MATCAP2: variants seen among roughly 807,000 people sequenced by gnomAD.
MATCAP2 encodes putative tyrosine carboxypeptidase MATCAP2.
chr7:36,375,568 G>T, the MATCAP2 span, among the ~76,000 whole-genome samples: 1 of 152,254 alleles, frequency 6.6e-6, no homozygotes, highest in East Asian at 1.9e-4. Flanking sequence ...TTGTGTCTCT[G>T]CCAGGCTTTG....
the MATCAP2 span, among the ~76,000 whole-genome samples, chr7:36,370,663 T>C: frequency 2.0e-5 from 3 of 152,154 alleles, no homozygotes; most frequent in African/African-American, 7.2e-5. Flanking sequence ...GTATTTTTAG[T>C]AGAGACAGGG....
At chr7:36,336,924 G>A in the MATCAP2 span, among the ~76,000 whole-genome samples, 1 of 151,302 alleles carries the variant, frequency 6.6e-6, no homozygotes, top group African/African-American at 2.4e-5. Context: ...GTGAAACCCT[G>A]TCTTTACTAA....
At chr7:36,348,636 T>C in the MATCAP2 span, among the ~76,000 whole-genome samples, 3 of 152,244 alleles carry the variant, frequency 2.0e-5, no homozygotes, top group Non-Finnish European at 4.4e-5. Flanking sequence ...TATGCAGTTT[T>C]ATATTTTAGA....
the MATCAP2 span, among the ~76,000 whole-genome samples, chr7:36,361,188 T>A: frequency 6.6e-6 from 1 of 152,202 alleles, no homozygotes; most frequent in Admixed American, 6.5e-5. Flanking sequence ...ATTCCTGACA[T>A]CCATTCCCAG....
chr7:36,390,175 G>A, the MATCAP2 span: 1 of 1,513,202 alleles, frequency 6.6e-7, no homozygotes, highest in Non-Finnish European at 9.0e-7. Flanking sequence ...CAGTGTGTGC[G>A]GGCCGGGGTC....
At chr7:36,367,265 C>A in the MATCAP2 span, 2 of 1,057,746 alleles carry the variant, frequency 1.9e-6, no homozygotes, top group Non-Finnish European at 2.3e-6. Flanking sequence ...GCGCGCGCTG[C>A]GCTTCACGGA....
At chr7:36,362,207 A>G in the MATCAP2 span, among the ~76,000 whole-genome samples, 3 of 152,240 alleles carry the variant, frequency 2.0e-5, no homozygotes, top group African/African-American at 7.2e-5. Context: ...TGTCTGCACT[A>G]TAACAGATAA....
the MATCAP2 span, among the ~76,000 whole-genome samples, chr7:36,372,783 G>C: frequency 6.6e-6 from 1 of 152,120 alleles, no homozygotes; most frequent in African/African-American, 2.4e-5. Flanking sequence ...TACCTTCAAA[G>C]AACTTACTGA....
chr7:36,369,782 T>A, the MATCAP2 span, among the ~76,000 whole-genome samples: 3 of 152,110 alleles, frequency 2.0e-5, no homozygotes, highest in Non-Finnish European at 4.4e-5. Flanking sequence ...TGTATATATA[T>A]ATACATGTAT....
the MATCAP2 span, among the ~76,000 whole-genome samples, chr7:36,358,524 A>G: frequency 4.6e-5 from 7 of 152,352 alleles, no homozygotes; most frequent in Non-Finnish European, 1.0e-4. Context: ...ACAAATTTTA[A>G]TAACTATTAC....
chr7:36,390,217 T>G, the MATCAP2 span: 3 of 1,024,190 alleles, frequency 2.9e-6, no homozygotes, highest in Non-Finnish European at 2.8e-6. Context: ...GGTTGGTGGG[T>G]TCCTCTGAGA....
At chr7:36,364,912 A>T in the MATCAP2 span, among the ~76,000 whole-genome samples, 1 of 152,236 alleles carries the variant, frequency 6.6e-6, no homozygotes, top group Non-Finnish European at 1.5e-5. Context: ...ATGGTCTCAA[A>T]TGGCTATTTG....
the MATCAP2 span, among the ~76,000 whole-genome samples, chr7:36,340,304 T>A: frequency 7.3e-4 from 111 of 152,346 alleles, no homozygotes; most frequent in African/African-American, 2.6e-3. Context: ...TAGAGAATTA[T>A]GAAAAACTTA....
At chr7:36,348,376 A>G in the MATCAP2 span, among the ~76,000 whole-genome samples, 2 of 152,350 alleles carry the variant, frequency 1.3e-5, no homozygotes, top group East Asian at 3.9e-4. Context: ...GTAAGCACCA[A>G]TCACTGTGTA....
the MATCAP2 span, among the ~76,000 whole-genome samples, chr7:36,362,482 C>T: frequency 2.0e-5 from 3 of 152,074 alleles, no homozygotes; most frequent in Non-Finnish European, 4.4e-5. Context: ...GTCTAGATAC[C>T]CTTGATGGTG....
chr7:36,377,669 T>G, the MATCAP2 span, among the ~76,000 whole-genome samples: 1 of 152,226 alleles, frequency 6.6e-6, no homozygotes, highest in Non-Finnish European at 1.5e-5. Flanking sequence ...TTGGGGAAGT[T>G]CTGCTGGATA....
the MATCAP2 span, among the ~76,000 whole-genome samples, chr7:36,332,213 G>A: frequency 6.6e-6 from 1 of 152,030 alleles, no homozygotes; most frequent in African/African-American, 2.4e-5. Flanking sequence ...CAACATGGAA[G>A]CCCTGTGCAT....
At chr7:36,327,795 A>G in the MATCAP2 span, among the ~76,000 whole-genome samples, 1 of 152,320 alleles carries the variant, frequency 6.6e-6, no homozygotes, top group East Asian at 1.9e-4. Context: ...AAGAATGTAA[A>G]TACTCCAAAA....
At chr7:36,389,874 GGAA>G in the MATCAP2 span, 1 of 1,384,300 alleles carries the variant, frequency 7.2e-7, no homozygotes, top group Non-Finnish European at 1.0e-6. Context: ...GTCCGTCACT[GGAA>G]GCCGAGAGGA....
Sources: gnomAD v4.1 joint callset for allele counts (sites outside exome capture counted in the v4.1 genomes callset) on GRCh38, gnomAD v4.1.1 for gene constraint, MANE v1.5 for transcripts, NCBI Gene and HGNC (gene_info 2026-07-23, HGNC 2026-07-21) for gene names.